FXYD3: variants seen among roughly 807,000 people sequenced by gnomAD.
FXYD3 encodes the protein FXYD domain containing ion transport regulator 3, also known as FXYD domain-containing ion transport regulator 3.
Under a neutral mutation model 19.2 loss-of-function variants are expected in FXYD3, and 13 were observed. The ratio of observed to expected loss-of-function variants is 0.68; its 90% CI spans 0.44 to 1.08. The LOEUF is 1.08. FXYD3 is among the 50% of genes least tolerant of loss of function. The pLI, the probability that FXYD3 is intolerant of heterozygous loss-of-function variation, is 0.00. For synonymous variants in FXYD3, 48 were observed against 38.9 expected (o/e 1.23, Z -0.87); for missense variants, 101 against 109.4 (o/e 0.92, Z 0.34).
At chr19:35,121,390 C>T in intron 5 of FXYD3, 145 bp downstream of exon 5, 1 of 1,591,708 alleles carries the variant, frequency 6.3e-7, no homozygotes, top group Non-Finnish European at 8.6e-7. Context: ...ATATGCCACA[C>T]AGTGGATTAA....
intron 3 of FXYD3, 116 bp downstream of exon 3, chr19:35,119,532 A>G: frequency 1.1e-6 from 1 of 917,334 alleles, no homozygotes; most frequent in Non-Finnish European, 1.8e-6. Flanking sequence ...ATGTTAGAAC[A>G]GCATCTCCCT....
At chr19:35,118,753 T>C (rs1483105440) in intron 2 of FXYD3, among the ~76,000 whole-genome samples, 29 of 152,192 alleles carry the variant, frequency 1.9e-4, no homozygotes, top group Non-Finnish European at 7.4e-5. Context: ...CTACCCCCAG[T>C]CCCAGCCTCA....
rs781429724 is a variant in FXYD3 at position 35,122,842 on chromosome 19, G to C, written c.172+3G>C. ...CATGGGCATCATCATCGTCATGAGT[G>C]AGTGGAGGAGCTCGGGGGAGCAGGC... is the stretch of plus-strand genomic sequence containing the variant. On this transcript the variant is annotated splice_donor_region_variant and intron_variant, in intron 6 of 8. Coordinates refer to ENST00000604404, the MANE Select transcript of FXYD3 (RefSeq NM_005971.4). 2 of 1,614,004 alleles carry C rather than the reference G, an allele frequency of 1.2e-6. No individual in the cohort carries two copies. The highest frequency in any genetic ancestry group is 1.7e-6 in the Non-Finnish European group (2 of 1,179,944).
intron 2 of FXYD3, chr19:35,116,715 G>A (rs1390697992): frequency 1.1e-6 from 1 of 951,870 alleles, no homozygotes; most frequent in East Asian, 1.4e-4. Flanking sequence ...AAGTGGACCA[G>A]GGGTGCGTAG....
chr19:35,118,372 AAAAC>A lies in FXYD3; in HGVS notation c.-14-988_-14-985del, dbSNP rs1182265437. 244 of 673,134 alleles carry A rather than the reference AAAAC, an allele frequency of 3.6e-4. 2 individuals are homozygous for A. The highest frequency in any genetic ancestry group is 2.8e-3 in the African/African-American group (143 of 51,042). The allele number at this position is 673,134 out of a possible 1,614,324, so 41.7% of individuals were successfully genotyped here. On this transcript the variant is annotated intron_variant, in intron 2 of 8. Transcript: ENST00000604404. ...CTCCGCCTCAAAAAAAAAAAAAAAA[AAAAC>A]AATTATGATAACTATGCACTCAGCA...
Position 35,121,262 on chromosome 19 carries a change from C to A in FXYD3, c.97+17C>A, listed in dbSNP as rs751449538. 2 of 1,614,096 alleles carry A rather than the reference C, an allele frequency of 1.2e-6. No individual in the cohort carries two copies. The highest frequency in any genetic ancestry group is 1.1e-5 in the South Asian group (1 of 91,088). ...TCTACTATGGTGAGAGCCCGTGCCC[C>A]CTTTCCCCTCCCCACAACCCCACAT... On this transcript the variant is annotated intron_variant, in intron 5 of 8. Transcript: ENST00000604404.
At chr19:35,116,230 CT>C in intron 1 of FXYD3, 33 bp from the exon 2 acceptor site, 1 of 985,364 alleles carries the variant, frequency 1.0e-6, no homozygotes, top group Non-Finnish European at 1.2e-6. Flanking sequence ...GCCCCTGGGC[CT>C]CAGGGCATCT....
In FXYD3 at chr19:35,123,824, T is replaced by C; in HGVS notation, c.*367T>C. ...TGGGACATGGCACAGGCCCGCCCTCTGCCTCCTCAGCCATGGGAACCTCAT... is the reference window on the plus strand; with the variant it reads ...TGGGACATGGCACAGGCCCGCCCTCCGCCTCCTCAGCCATGGGAACCTCAT... On this transcript the variant is annotated 3_prime_UTR_variant, in exon 9 of 9. Transcript: ENST00000604404. The C allele has an allele frequency of 3.0e-6, 1 of 335,222 alleles. No individual in the cohort carries two copies. Among genetic ancestry groups the C allele is most frequent in the East Asian group, 5.7e-5 (1 of 17,558 alleles). The allele number at this position is 335,222 out of a possible 1,614,324, so 20.8% of individuals were successfully genotyped here.
rs1555731601 is a variant in FXYD3, at chr19:35,119,681, G to GGT, written c.40+265_40+266insGT. 5.2e-5 allele frequency: 28 copies of GGT among 538,318 alleles called. 1 individual carries two copies. Among genetic ancestry groups the GGT allele is most frequent in the South Asian group, 2.7e-4 (11 of 40,942 alleles). The allele number at this position is 538,318 out of a possible 1,614,324, so 33.3% of individuals were successfully genotyped here. On this transcript the variant is annotated intron_variant, in intron 3 of 8. Coordinates refer to ENST00000604404, the MANE Select transcript of FXYD3 (RefSeq NM_005971.4). ...TTTTTTTGTTTTTGTTTTTGTTTTTGTTTTTGTTTTTGAAAGGGAGTCTCT... is the reference window on the plus strand; with the variant it reads ...TTTTTTTGTTTTTGTTTTTGTTTTTGGTTTTTTGTTTTTGAAAGGGAGTCTCT...
chr19:35,119,637 T>C (rs1310638612), intron 3 of FXYD3: 21 of 475,248 alleles, frequency 4.4e-5, no homozygotes, highest in Admixed American at 2.9e-4. Context: ...ATTCTCTCGA[T>C]CTCTTCTTTT....
At chr19:35,121,522 G>C (rs1016163656) in intron 5 of FXYD3, 15 of 1,418,524 alleles carry the variant, frequency 1.1e-5, no homozygotes, top group South Asian at 6.3e-5. Flanking sequence ...GCTGGGAGAA[G>C]TGTTGACTTG....
intron 7 of FXYD3, 114 bp downstream of exon 7, chr19:35,123,068 C>G: frequency 5.5e-6 from 8 of 1,460,926 alleles, no homozygotes; most frequent in Non-Finnish European, 7.2e-6. Flanking sequence ...GAGTTCCTGC[C>G]GCTAAGATTT....
intron 5 of FXYD3, among the ~76,000 whole-genome samples, chr19:35,122,062 C>G (rs2065054924): frequency 6.6e-6 from 1 of 152,010 alleles, no homozygotes; most frequent in South Asian, 2.1e-4. Context: ...AACTCCTGAA[C>G]TCCTGAAGTC....
intron 1 of FXYD3, 151 bp from the exon 2 acceptor site, chr19:35,116,113 A>G (rs2145304211): frequency 4.9e-6 from 2 of 406,510 alleles, no homozygotes; most frequent in East Asian, 1.6e-4. Context: ...AGCCCATCCA[A>G]TTCTCCGTCT....
At position 35,121,460 on chromosome 19, in the gene FXYD3, C is replaced by A. The variant is rs572709112; in HGVS notation, c.97+215C>A. The A allele has an allele frequency of 4.8e-6, 7 of 1,470,876 alleles. No individual in the cohort carries two copies. In the Admixed American group the frequency reaches 1.2e-4, roughly 26 times the overall value. The allele number at this position is 1,470,876 out of a possible 1,614,324, so 91.1% of individuals were successfully genotyped here. On this transcript the variant is annotated intron_variant, in intron 5 of 8. Transcript: ENST00000604404. ...GTTCTATTCCAGCAAGATAGACACA[C>A]GCAGGAGGTGAGGACAGTTTGCAAG...
intron 3 of FXYD3, 97 bp from the exon 4 acceptor site, chr19:35,120,980 AC>A (rs1355113489): frequency 7.7e-6 from 10 of 1,291,440 alleles, no homozygotes; most frequent in Middle Eastern, 2.7e-4. Flanking sequence ...CCCGCAGGAG[AC>A]CCTTTCCCAA....
rs749528142 is a variant in FXYD3, at chr19:35,121,122, T to C, written c.73+12T>C. On this transcript the variant is annotated intron_variant, in intron 4 of 8. Transcript: ENST00000604404. ...CAATGACCTAGAAGGTGAGTCAGACTGGACTCTCACCCGTCACACCCCCAA... is the reference window on the plus strand; with the variant it reads ...CAATGACCTAGAAGGTGAGTCAGACCGGACTCTCACCCGTCACACCCCCAA... 29 of 1,613,756 alleles carry C rather than the reference T, an allele frequency of 1.8e-5. No homozygotes were observed. In the South Asian group the frequency reaches 3.2e-4, roughly 18 times the overall value.
Position 35,119,664 on chromosome 19 carries a change from T to TTTTG in FXYD3, c.40+251_40+252insGTTT, listed in dbSNP as rs1340259766. The TTTTG allele has an allele frequency of 1.2e-3, 45 of 38,440 alleles. 1 individual carries two copies. Among genetic ancestry groups the TTTTG allele is most frequent in the Admixed American group, 6.6e-3 (10 of 1,514 alleles). The allele number at this position is 38,440 out of a possible 1,614,324, so 2.4% of individuals were successfully genotyped here. A position where few individuals can be genotyped will look rare whatever the true frequency, so the allele number is the denominator to read the frequency against. ...TCTTCTTTTTTTTTGGCTTTTTTTG[T>TTTTG]TTTTGTTTTTGTTTTTGTTTTTGTT... On this transcript the variant is annotated intron_variant, in intron 3 of 8. Transcript: ENST00000604404.
chr19:35,119,506 C>A (rs1408272211), intron 3 of FXYD3, 90 bp downstream of exon 3: 3 of 1,204,808 alleles, frequency 2.5e-6, no homozygotes, highest in South Asian at 2.5e-5. Flanking sequence ...TTTCTACCTC[C>A]CCGGGAAGGT....
Sources: allele counts gnomAD v4.1 joint callset (sites outside exome capture counted in the v4.1 genomes callset), GRCh38; gene constraint gnomAD v4.1.1; transcripts MANE v1.5; gene names NCBI Gene and HGNC (gene_info 2026-07-23, HGNC 2026-07-21).